KCND3: variants seen among roughly 807,000 people sequenced by gnomAD.
KCND3 encodes the protein potassium voltage-gated channel subfamily D member 3.
A neutral mutation model predicts 51.1 loss-of-function variants in KCND3; 9 were observed. The ratio of observed to expected loss-of-function variants is 0.18; its 90% CI spans 0.11 to 0.31. KCND3 has a LOEUF of 0.31. Among genes scored for constraint, KCND3 ranks in the 10% least tolerant of loss-of-function variants. The probability of loss-of-function intolerance (pLI) is 1.00; values close to 1 mark genes in which losing one functional copy is unlikely to be tolerated. For synonymous variants in KCND3, 349 were observed against 368.0 expected, an observed-to-expected ratio of 0.95 and a Z score of 0.59; for missense variants, 526 against 903.8, an observed-to-expected ratio of 0.58 and a Z score of 5.36.
intron 2 of KCND3, among the ~76,000 whole-genome samples, chr1:111,853,417 C>T (rs1330954404): frequency 6.6e-6 from 1 of 152,128 alleles, no homozygotes; most frequent in East Asian, 1.9e-4. Context: ...ATTGGGAACC[C>T]AGCTCTAGAA....
intron 2 of KCND3, among the ~76,000 whole-genome samples, chr1:111,965,641 C>T (rs1673940513): frequency 6.6e-6 from 1 of 152,140 alleles, no homozygotes; most frequent in Non-Finnish European, 1.5e-5. Context: ...CTAAGTGGAA[C>T]AGATTGATGA....
chr1:111,780,417 AT>A lies in KCND3; in HGVS notation c.1372-104del, dbSNP rs72548727. On this transcript the variant is annotated intron_variant, in intron 4 of 7. Coordinates refer to ENST00000302127, the MANE Select transcript of KCND3 (RefSeq NM_001378969.1). The surrounding 1 kb of genome is among the most constrained non-coding windows in gnomAD (Gnocchi z 4.2). Reference sequence around the variant, plus strand: ...GGTCAAAGGGCAATAGAATAATCAAATTTTTTTTTATTTGACCAAATTTCAG... The same window carrying A: ...GGTCAAAGGGCAATAGAATAATCAAATTTTTTTTATTTGACCAAATTTCAG... 3.1e-4 allele frequency: 360 copies of A among 1,170,128 alleles called. No individual in the cohort carries two copies. The highest frequency in any genetic ancestry group is 4.0e-4 in the Non-Finnish European group (318 of 804,058). 72.5% of individuals were successfully genotyped at this position (1,170,128 alleles called of 1,614,324 possible).
chr1:111,853,592 G>A (rs1024387898), intron 2 of KCND3, among the ~76,000 whole-genome samples: 3 of 152,088 alleles, frequency 2.0e-5, no homozygotes, highest in Non-Finnish European at 4.4e-5. Context: ...GCTTTGTGTT[G>A]TTCATAACAC....
intron 3 of KCND3, among the ~76,000 whole-genome samples, chr1:111,786,385 A>C (rs1664603125): frequency 6.6e-6 from 1 of 152,202 alleles, no homozygotes; most frequent in Non-Finnish European, 1.5e-5. Context: ...ATCTTTCCCC[A>C]GGACTGATGG....
rs373108152 is a variant in KCND3, at chr1:111,883,419, T to A, written c.1107-96313A>T. Reference sequence around the variant, plus strand: ...TATCTCACCCGTCTTCTCTTTCGTTTTTGCCCTTATGAACATCCTCCTCAT... The same window carrying A: ...TATCTCACCCGTCTTCTCTTTCGTTATTGCCCTTATGAACATCCTCCTCAT... On this transcript the variant is annotated intron_variant, in intron 2 of 7. Coordinates refer to ENST00000302127, the MANE Select transcript of KCND3 (RefSeq NM_001378969.1). 6.6e-4 allele frequency among the ~76,000 whole-genome samples: 101 copies of A among 152,356 alleles called. No homozygotes were observed. The South Asian group carries it at 0.011, about 16-fold the overall frequency.
chr1:111,879,296 G>A (rs1457420495), intron 2 of KCND3, among the ~76,000 whole-genome samples: 2 of 152,170 alleles, frequency 1.3e-5, no homozygotes, highest in Non-Finnish European at 2.9e-5. Context: ...TTATTGGTAG[G>A]GACCTGGCTT....
intron 2 of KCND3, among the ~76,000 whole-genome samples, chr1:111,802,417 A>G (rs932594255): frequency 6.6e-6 from 1 of 152,272 alleles, no homozygotes; most frequent in Non-Finnish European, 1.5e-5. Context: ...TGTCATGCAA[A>G]GAACGTAGGC....
intron 2 of KCND3, among the ~76,000 whole-genome samples, chr1:111,804,302 T>C (rs775879456): frequency 6.6e-6 from 1 of 152,242 alleles, no homozygotes; most frequent in Non-Finnish European, 1.5e-5. Context: ...TAGGTTCTAA[T>C]CAGGCAGGAA....
intron 2 of KCND3, among the ~76,000 whole-genome samples, chr1:111,885,819 C>A (rs1669545796): frequency 6.6e-6 from 1 of 151,996 alleles, no homozygotes; most frequent in South Asian, 2.1e-4. Context: ...ATTACAGGCG[C>A]CTGCCACCAT....
chr1:111,914,155 T>C (rs570539118), intron 2 of KCND3, among the ~76,000 whole-genome samples: 2 of 146,298 alleles, frequency 1.4e-5, no homozygotes, highest in Non-Finnish European at 3.0e-5. Flanking sequence ...AAAGACAAAA[T>C]ACAATAACTG....
At chr1:111,823,373 T>A (rs1666432807) in intron 2 of KCND3, among the ~76,000 whole-genome samples, 3 of 152,172 alleles carry the variant, frequency 2.0e-5, no homozygotes, top group Non-Finnish European at 4.4e-5. Flanking sequence ...TCTCCCTCCA[T>A]GGAACCTACT....
chr1:111,843,141 A>C (rs564728542), intron 2 of KCND3, among the ~76,000 whole-genome samples: 1 of 152,298 alleles, frequency 6.6e-6, no homozygotes, highest in Non-Finnish European at 1.5e-5. Flanking sequence ...TTGAGCTCAG[A>C]AAAATGCTAG....
chr1:111,807,350 C>G (rs1665616890), intron 2 of KCND3, among the ~76,000 whole-genome samples: 1 of 152,182 alleles, frequency 6.6e-6, no homozygotes, highest in Admixed American at 6.5e-5. Context: ...AAATACTTAC[C>G]ATTGTGTTAC....
intron 2 of KCND3, among the ~76,000 whole-genome samples, chr1:111,801,350 G>C (rs1430038512): frequency 6.6e-6 from 1 of 152,220 alleles, no homozygotes; most frequent in Non-Finnish European, 1.5e-5. Flanking sequence ...AGGTGGTGAA[G>C]CGTCAAAGTG....
chr1:111,984,804 G>C (rs1675173670), intron 1 of KCND3, among the ~76,000 whole-genome samples: 1 of 152,026 alleles, frequency 6.6e-6, no homozygotes, highest in Admixed American at 6.6e-5. Context: ...CCTCTCATGA[G>C]AATATCCTTC....
rs1553187275 is a variant in KCND3 at position 111,981,815 on chromosome 1, G to C, written c.912C>G (p.Ser304=). 9 of 1,614,132 alleles carry C rather than the reference G, an allele frequency of 5.6e-6. No individual in the cohort carries two copies. The highest frequency in any genetic ancestry group is 7.6e-6 in the Non-Finnish European group (9 of 1,180,008). Residue 304 remains serine, a synonymous_variant, in exon 2 of 8, where the codon TCC becomes TCG. Coordinates refer to ENST00000302127, the MANE Select transcript of KCND3 (RefSeq NM_001378969.1). The surrounding 1 kb of genome is among the most constrained non-coding windows in gnomAD (Gnocchi z 6.2). ...TGTAGCCCAGGATCCGCAGGCCCTG[G>C]GAGTGGCGGGAAAACTTGAAGATCC... ...VFRIFKFSRH[S]QGLRILGYTL...
chr1:111,921,309 G>A (rs1011519376), intron 2 of KCND3, among the ~76,000 whole-genome samples: 12 of 152,298 alleles, frequency 7.9e-5, no homozygotes, highest in Admixed American at 6.5e-5. Context: ...AAGGGCCCTC[G>A]AATCTCTTCC....
intron 2 of KCND3, among the ~76,000 whole-genome samples, chr1:111,886,054 G>C (rs1310700352): frequency 6.6e-6 from 1 of 152,206 alleles, no homozygotes; most frequent in African/African-American, 2.4e-5. Context: ...TAGTGTGGCT[G>C]AAATCAAATG....
intron 2 of KCND3, among the ~76,000 whole-genome samples, chr1:111,865,531 G>A (rs1021811323): frequency 1.3e-5 from 2 of 152,182 alleles, no homozygotes; most frequent in African/African-American, 4.8e-5. Flanking sequence ...AGGGTCCTGG[G>A]AAGTTTTTTG....
Sources: allele counts gnomAD v4.1 joint callset (sites outside exome capture counted in the v4.1 genomes callset), GRCh38; gene constraint gnomAD v4.1.1; non-coding constraint Gnocchi (gnomAD v3.1); transcripts MANE v1.5; gene names NCBI Gene and HGNC (gene_info 2026-07-23, HGNC 2026-07-21).